The following MDGA2 variants were observed in gnomAD, a reference collection of about 807,000 sequenced individuals.
MDGA2 encodes MAM domain containing glycosylphosphatidylinositol anchor 2.
MDGA2 carries 40 observed loss-of-function variants against 117.8 expected under a neutral mutation model. The observed-to-expected ratio is 0.34, with a 90% CI of 0.26 to 0.44. MDGA2 has a LOEUF of 0.44. Among genes scored for constraint, MDGA2 ranks in the 20% least tolerant of loss-of-function variants. The pLI is 1.00. For synonymous variants in MDGA2, 452 were observed against 439.0 expected (o/e 1.03, Z -0.37); for missense variants, 1,123 against 1,250.6 (o/e 0.90, Z 1.54).
chr14:47,146,126 A>G lies in MDGA2; in HGVS notation c.596-1852T>C, dbSNP rs117100004. On this transcript the variant is annotated intron_variant, in intron 3 of 16. Transcript: ENST00000399232. ...AAAAGATTCTCTCTGATGTGTTAAC[A>G]TAATAAAATGCCAACCAAAGTAGTG... is the stretch of plus-strand genomic sequence containing the variant. Among the ~76,000 whole-genome samples, 21 of 152,356 alleles carry G rather than the reference A, an allele frequency of 1.4e-4. No homozygotes were observed. In the East Asian group the frequency reaches 4.0e-3, roughly 29 times the overall value.
intron 1 of MDGA2, among the ~76,000 whole-genome samples, chr14:47,571,310 T>C (rs1896014680): frequency 6.6e-6 from 1 of 151,924 alleles, no homozygotes; most frequent in Non-Finnish European, 1.5e-5. Flanking sequence ...TTGGTGGGAG[T>C]GTAAATTAGT....
At chr14:46,895,257 A>C (rs946765569) in intron 10 of MDGA2, among the ~76,000 whole-genome samples, 5 of 152,134 alleles carry the variant, frequency 3.3e-5, no homozygotes, top group African/African-American at 1.2e-4. Context: ...ATAGTGAGTG[A>C]GTTCTCACAA....
chr14:47,442,464 G>C (rs896695762), intron 1 of MDGA2, among the ~76,000 whole-genome samples: 4 of 152,248 alleles, frequency 2.6e-5, no homozygotes, highest in Middle Eastern at 6.8e-3. Context: ...CTTAGTCAGA[G>C]GAGGCTGGTG....
intron 1 of MDGA2, among the ~76,000 whole-genome samples, chr14:47,610,796 C>A (rs549946946): frequency 4.6e-5 from 7 of 152,144 alleles, no homozygotes; most frequent in Middle Eastern, 3.4e-3. Flanking sequence ...AGCCAATCTA[C>A]AAATTCAATG....
At chr14:47,295,751 A>C (rs1390432888) in intron 2 of MDGA2, among the ~76,000 whole-genome samples, 1 of 152,050 alleles carries the variant, frequency 6.6e-6, no homozygotes, top group Non-Finnish European at 1.5e-5. Flanking sequence ...TAAAAATACA[A>C]AAATTATTAG....
At chr14:47,270,703 TA>T (rs1242797462) in intron 2 of MDGA2, among the ~76,000 whole-genome samples, 1 of 152,062 alleles carries the variant, frequency 6.6e-6, no homozygotes, top group Non-Finnish European at 1.5e-5. Context: ...TATAGGAGAG[TA>T]ATCATCACTG....
chr14:46,886,231 C>T (rs1320977757), intron 10 of MDGA2, among the ~76,000 whole-genome samples: 1 of 151,882 alleles, frequency 6.6e-6, no homozygotes, highest in Non-Finnish European at 1.5e-5. Flanking sequence ...ATATTCATCG[C>T]ATAGAAAATG....
intron 2 of MDGA2, among the ~76,000 whole-genome samples, chr14:47,295,848 T>C (rs1384291363): frequency 6.6e-6 from 1 of 151,940 alleles, no homozygotes; most frequent in Admixed American, 6.6e-5. Flanking sequence ...AGGTTGCAGT[T>C]AGCCGAGATT....
At chr14:46,862,315 G>A (rs926662813) in intron 14 of MDGA2, among the ~76,000 whole-genome samples, 3 of 151,436 alleles carry the variant, frequency 2.0e-5, no homozygotes, top group Non-Finnish European at 4.4e-5. Context: ...AAGGCTAAAT[G>A]ACACAAGTGC....
chr14:46,984,760 C>T (rs1886803958), intron 8 of MDGA2, among the ~76,000 whole-genome samples: 1 of 152,004 alleles, frequency 6.6e-6, no homozygotes, highest in African/African-American at 2.4e-5. Context: ...ACAATTACTT[C>T]CACGTTCTAA....
chr14:47,623,948 A>T (rs1897095895), intron 1 of MDGA2, among the ~76,000 whole-genome samples: 7 of 152,160 alleles, frequency 4.6e-5, no homozygotes. Context: ...ACAATGGCCG[A>T]CTTCTTCTGG....
chr14:47,589,421 C>G (rs1046135282), intron 1 of MDGA2, among the ~76,000 whole-genome samples: 39 of 151,926 alleles, frequency 2.6e-4, no homozygotes, highest in African/African-American at 8.5e-4. Context: ...GTCCCAGTAC[C>G]ATTATTAGTT....
At chr14:47,506,194 G>T (rs1487931835) in intron 1 of MDGA2, among the ~76,000 whole-genome samples, 1 of 152,002 alleles carries the variant, frequency 6.6e-6, no homozygotes, top group African/African-American at 2.4e-5. Flanking sequence ...GGATGTCAGA[G>T]AAGACATCCA....
In MDGA2 at chr14:46,920,127, G is replaced by A. The variant is rs1389382950; in HGVS notation, c.2123C>T (p.Thr708Ile). The change falls in exon 10 of 17, where the codon ACC becomes ATC. Residue 708 changes from threonine to isoleucine, a missense_variant. Coordinates refer to ENST00000399232, the MANE Select transcript of MDGA2 (RefSeq NM_001113498.3). ...KAYAPEFYYD[T>I]YNPVWQNRHR... ...TCTGTTCTGCCATACTGGATTGTAGGTATCATAATAGAATTCTGGAGCATA... is the reference window on the plus strand; with the variant it reads ...TCTGTTCTGCCATACTGGATTGTAGATATCATAATAGAATTCTGGAGCATA... 6 of 1,609,466 alleles carry A rather than the reference G, an allele frequency of 3.7e-6. No homozygotes were observed. The highest frequency in any genetic ancestry group is 1.7e-5 in the Admixed American group (1 of 59,162).
chr14:46,966,931 G>C (rs954667422), intron 8 of MDGA2, among the ~76,000 whole-genome samples: 1 of 140,018 alleles, frequency 7.1e-6, no homozygotes, highest in African/African-American at 2.5e-5. Context: ...GGGGATGAGA[G>C]AGTAAGTAGT....
chr14:46,907,035 G>A (rs1232894323), intron 10 of MDGA2, among the ~76,000 whole-genome samples: 2 of 137,548 alleles, frequency 1.5e-5, no homozygotes, highest in African/African-American at 5.5e-5. Context: ...GGAGTGCAGT[G>A]GCACGAACTC....
chr14:47,097,158 T>A, intron 5 of MDGA2, 35 bp from the exon 6 acceptor site: 1 of 1,594,984 alleles, frequency 6.3e-7, no homozygotes, highest in Non-Finnish European at 8.6e-7. Context: ...TGCACCTATT[T>A]AGATATGCTA....
intron 1 of MDGA2, among the ~76,000 whole-genome samples, chr14:47,467,554 G>A (rs1893629860): frequency 6.6e-6 from 1 of 152,032 alleles, no homozygotes; most frequent in Admixed American, 6.6e-5. Context: ...TCAACACCCA[G>A]AAGTAGATAA....
chr14:46,876,259 A>G (rs1437280585), intron 12 of MDGA2, among the ~76,000 whole-genome samples: 2 of 151,610 alleles, frequency 1.3e-5, no homozygotes, highest in African/African-American at 4.8e-5. Context: ...GTTGGCAGGT[A>G]AAATGAAAAT....
Sources: gnomAD v4.1 joint callset for allele counts (sites outside exome capture counted in the v4.1 genomes callset) on GRCh38, gnomAD v4.1.1 for gene constraint, MANE v1.5 for transcripts, NCBI Gene and HGNC (gene_info 2026-07-23, HGNC 2026-07-21) for gene names.